CSMD1: variants seen among roughly 807,000 people sequenced by gnomAD.
CSMD1 encodes CUB and sushi domain-containing protein 1.
In CSMD1, 213 loss-of-function variants were observed where a neutral mutation model predicts 417.5. The observed-to-expected ratio is 0.51, with a 90% confidence interval of 0.46 to 0.57. The LOEUF (loss-of-function observed/expected upper bound fraction) is 0.57. CSMD1 is among the 20% of genes least tolerant of loss of function. The probability of loss-of-function intolerance (pLI) is 0.00; values close to 1 mark genes in which losing one functional copy is unlikely to be tolerated. For missense variants in CSMD1, 6,923 were observed against 4,529.7 expected (o/e 1.53, Z -15.17); for synonymous variants, 2,862 against 1,736.8 (o/e 1.65, Z -16.11).
At chr8:4,102,352 T>C (rs143277160) in intron 3 of CSMD1, among the ~76,000 whole-genome samples, 1 of 152,346 alleles carries the variant, frequency 6.6e-6, no homozygotes, top group East Asian at 1.9e-4. Context: ...TTGCTTTGTT[T>C]TTCCTTGCAA....
chr8:2,996,939 G>C (rs547829892), intron 54 of CSMD1, among the ~76,000 whole-genome samples: 10 of 152,346 alleles, frequency 6.6e-5, no homozygotes, highest in African/African-American at 2.4e-4. Context: ...TACAATGAAA[G>C]CTGTGATTGA....
intron 5 of CSMD1, among the ~76,000 whole-genome samples, chr8:3,777,548 C>T (rs1046291758): frequency 3.3e-5 from 5 of 152,184 alleles, no homozygotes; most frequent in Non-Finnish European, 5.9e-5. Flanking sequence ...GCTTTCTCCT[C>T]CAGGCTCCCT....
chr8:4,274,412 T>A (rs1200820276), intron 3 of CSMD1, among the ~76,000 whole-genome samples: 1 of 152,166 alleles, frequency 6.6e-6, no homozygotes, highest in East Asian at 1.9e-4. Flanking sequence ...GCTCAAAATG[T>A]CTCTGGTGCC....
At chr8:3,422,522 G>C (rs1189978220) in intron 12 of CSMD1, among the ~76,000 whole-genome samples, 1 of 152,036 alleles carries the variant, frequency 6.6e-6, no homozygotes, top group Non-Finnish European at 1.5e-5. Flanking sequence ...TACTACTGAA[G>C]AAATCTATTG....
At chr8:4,189,907 CTG>C (rs1798913934) in intron 3 of CSMD1, among the ~76,000 whole-genome samples, 2 of 151,760 alleles carry the variant, frequency 1.3e-5, no homozygotes, top group African/African-American at 4.8e-5. Flanking sequence ...CATTGAAAAT[CTG>C]TACTCTTTTG....
chr8:3,520,011 T>C (rs892371554), intron 10 of CSMD1, among the ~76,000 whole-genome samples: 5 of 142,762 alleles, frequency 3.5e-5, no homozygotes, highest in African/African-American at 1.1e-4. Context: ...TGTGTGTGTG[T>C]GTATATACCT....
chr8:4,978,256 G>T lies in CSMD1; in HGVS notation c.85+16076C>A, dbSNP rs79082223. Among the ~76,000 whole-genome samples, 7 of 152,222 alleles carry T rather than the reference G, an allele frequency of 4.6e-5. 1 individual carries two copies. Among genetic ancestry groups the T allele is most frequent in the South Asian group, 4.2e-4 (2 of 4,816 alleles). On this transcript the variant is annotated intron_variant, in intron 1 of 69. Transcript: ENST00000635120. ...AAGATATAATTGCAGGTGTTCAAAG[G>T]GGGGACAGGCAGGTGGAGGTATAGC... is the stretch of plus-strand genomic sequence containing the variant.
At chr8:4,257,892 GA>G (rs1803576435) in intron 3 of CSMD1, among the ~76,000 whole-genome samples, 4 of 152,160 alleles carry the variant, frequency 2.6e-5, no homozygotes. Context: ...CCTCTGTTGT[GA>G]CCAGGCTAAC....
At chr8:4,359,340 T>C (rs1400042554) in intron 3 of CSMD1, among the ~76,000 whole-genome samples, 4 of 152,228 alleles carry the variant, frequency 2.6e-5, no homozygotes, top group Admixed American at 6.5e-5. Context: ...AGGTACAACA[T>C]ATCTAAACAC....
At chr8:4,640,439 G>T (rs544978157) in intron 1 of CSMD1, among the ~76,000 whole-genome samples, 37 of 152,158 alleles carry the variant, frequency 2.4e-4, no homozygotes, top group African/African-American at 8.9e-4. Context: ...ATAGCCAGTG[G>T]AACAGAATAG....
intron 10 of CSMD1, among the ~76,000 whole-genome samples, chr8:3,556,910 G>A (rs909788446): frequency 6.6e-6 from 1 of 152,014 alleles, no homozygotes; most frequent in Admixed American, 6.6e-5. Context: ...CAATCATCAG[G>A]TCACAAATGC....
chr8:3,818,754 T>G (rs1183430132), intron 5 of CSMD1, among the ~76,000 whole-genome samples: 1 of 152,164 alleles, frequency 6.6e-6, no homozygotes, highest in Non-Finnish European at 1.5e-5. Context: ...AGACAGATGG[T>G]GTTAAAACAC....
chr8:4,857,833 G>T (rs566405434), intron 1 of CSMD1, among the ~76,000 whole-genome samples: 3 of 152,012 alleles, frequency 2.0e-5, no homozygotes, highest in South Asian at 4.2e-4. Flanking sequence ...TCCACCAGAG[G>T]TACAAGGAGG....
At chr8:4,407,623 G>C (rs577961583) in intron 3 of CSMD1, among the ~76,000 whole-genome samples, 2 of 152,188 alleles carry the variant, frequency 1.3e-5, no homozygotes, top group East Asian at 3.9e-4. Flanking sequence ...AAATATATTG[G>C]AATTCATTGT....
intron 2 of CSMD1, among the ~76,000 whole-genome samples, chr8:4,440,530 C>T (rs73660808): frequency 3.9e-5 from 6 of 152,108 alleles, no homozygotes; most frequent in Non-Finnish European, 5.9e-5. Context: ...AAGACATGTA[C>T]AGATAACATT....
chr8:4,083,077 A>T (rs1024814481), intron 3 of CSMD1, among the ~76,000 whole-genome samples: 4 of 151,972 alleles, frequency 2.6e-5, no homozygotes, highest in Non-Finnish European at 4.4e-5. Context: ...ATAAACATAC[A>T]TGTGCATGTT....
At chr8:3,349,551 T>G (rs1217441631) in intron 21 of CSMD1, among the ~76,000 whole-genome samples, 1 of 151,924 alleles carries the variant, frequency 6.6e-6, no homozygotes, top group Non-Finnish European at 1.5e-5. Context: ...GTGCAAGTGT[T>G]GAGGCGGAAG....
intron 10 of CSMD1, among the ~76,000 whole-genome samples, chr8:3,538,711 C>G (rs185075026): frequency 3.4e-4 from 52 of 152,324 alleles, no homozygotes; most frequent in Admixed American, 3.3e-3. Flanking sequence ...TTTGATTGCC[C>G]CTTTTCCGTC....
intron 5 of CSMD1, among the ~76,000 whole-genome samples, chr8:3,992,157 A>T (rs1173138878): frequency 2.6e-5 from 4 of 151,036 alleles, no homozygotes; most frequent in East Asian, 1.9e-4. Flanking sequence ...TATATTATAT[A>T]TATTTTTATT....
Sources: allele counts gnomAD v4.1 joint callset (sites outside exome capture counted in the v4.1 genomes callset), GRCh38; gene constraint gnomAD v4.1.1; transcripts MANE v1.5; gene names NCBI Gene and HGNC (gene_info 2026-07-23, HGNC 2026-07-21).